GSAP: variants seen among roughly 807,000 people sequenced by gnomAD.
GSAP encodes gamma-secretase activating protein.
In GSAP, 118 loss-of-function variants were observed where a neutral mutation model predicts 131.7. That is an observed-to-expected ratio of 0.90 (90% CI 0.77 to 1.04). The LOEUF (loss-of-function observed/expected upper bound fraction) is 1.04. Among genes scored for constraint, GSAP ranks in the 50% least tolerant of loss-of-function variants. The pLI is 0.00. For synonymous variants in GSAP, 381 were observed against 363.4 expected, an observed-to-expected ratio of 1.05 and a Z score of -0.55; for missense variants, 1,019 against 1,013.2, an observed-to-expected ratio of 1.01 and a Z score of -0.08.
intron 19 of GSAP, among the ~76,000 whole-genome samples, chr7:77,346,098 C>T (rs1419972175): frequency 3.3e-5 from 5 of 150,220 alleles, no homozygotes; most frequent in African/African-American, 9.8e-5. Context: ...GGTGAAACCC[C>T]GCCTCTACTA....
At chr7:77,378,992 G>A (rs893121963) in intron 8 of GSAP, among the ~76,000 whole-genome samples, 5 of 152,108 alleles carry the variant, frequency 3.3e-5, no homozygotes, top group Admixed American at 6.5e-5. Flanking sequence ...CTTGAGGGGG[G>A]CCATGTGGCA....
intron 19 of GSAP, among the ~76,000 whole-genome samples, chr7:77,336,845 T>C (rs1790057966): frequency 6.6e-6 from 1 of 152,172 alleles, no homozygotes; most frequent in Non-Finnish European, 1.5e-5. Flanking sequence ...TATTTCTTTG[T>C]TGCATCATAA....
chr7:77,329,387 G>C lies in GSAP; in HGVS notation c.1679C>G (p.Thr560Arg). 1 of 1,577,260 alleles carries C rather than the reference G, an allele frequency of 6.3e-7. No homozygotes were observed. The highest frequency in any genetic ancestry group is 8.6e-7 in the Non-Finnish European group (1 of 1,157,716). ...EWHNLISEEK[T>R]GKRRSAAYVR... ...GTATGCCGCAGACCTTCTTTTTCCT[G>C]TTTTCTAGGAGTGAGAACACGTCAG... The change falls in exon 21 of 31, where the codon ACA becomes AGA. Residue 560 changes from threonine (T) to arginine (R), a missense_variant. Coordinates refer to ENST00000257626, the MANE Select transcript of GSAP (RefSeq NM_017439.4).
At chr7:77,336,180 A>AT (rs969226357) in intron 19 of GSAP, among the ~76,000 whole-genome samples, 12 of 152,240 alleles carry the variant, frequency 7.9e-5, no homozygotes, top group African/African-American at 2.9e-4. Flanking sequence ...AATGGATTGG[A>AT]TTTTTTTCTA....
Position 77,320,715 on chromosome 7 carries a change from C to T in GSAP, c.2089+10G>A. The T allele has an allele frequency of 1.3e-6, 2 of 1,503,516 alleles. No individual in the cohort carries two copies. The highest frequency in any genetic ancestry group is 1.1e-5 in the South Asian group (1 of 88,596). 93.1% of individuals were successfully genotyped at this position (1,503,516 alleles called of 1,614,324 possible). Reference sequence around the variant, plus strand: ...TTATTATACCAAAGGACAAAAGAGCCAACACTTACCAGGAGGCAGAGGTAA... The same window carrying T: ...TTATTATACCAAAGGACAAAAGAGCTAACACTTACCAGGAGGCAGAGGTAA... On this transcript the variant is annotated intron_variant, in intron 26 of 30. Coordinates refer to ENST00000257626, the MANE Select transcript of GSAP (RefSeq NM_017439.4).
intron 24 of GSAP, among the ~76,000 whole-genome samples, chr7:77,322,070 A>G (rs1407641316): frequency 6.6e-6 from 1 of 152,176 alleles, no homozygotes; most frequent in Admixed American, 6.5e-5. Context: ...GTCCCTATGG[A>G]GTTGTTATCA....
chr7:77,387,335 A>C (rs1211436740), intron 6 of GSAP, 25 bp downstream of exon 6: 1 of 1,145,084 alleles, frequency 8.7e-7, no homozygotes, highest in Non-Finnish European at 1.3e-6. Flanking sequence ...TAATGAGATA[A>C]GTGATAAATG....
At chr7:77,395,558 G>A (rs1001751633) in intron 5 of GSAP, among the ~76,000 whole-genome samples, 1 of 152,142 alleles carries the variant, frequency 6.6e-6, no homozygotes, top group Non-Finnish European at 1.5e-5. Context: ...CACCAAAGAC[G>A]GAAGGGGTTG....
intron 19 of GSAP, among the ~76,000 whole-genome samples, chr7:77,340,984 T>A (rs577597856): frequency 2.0e-4 from 30 of 152,098 alleles, no homozygotes; most frequent in Non-Finnish European, 4.0e-4. Flanking sequence ...ACTTAAAACC[T>A]CTTCACCTCT....
chr7:77,383,415 G>A (rs1158511755), intron 6 of GSAP, among the ~76,000 whole-genome samples: 3 of 151,942 alleles, frequency 2.0e-5, no homozygotes, highest in African/African-American at 4.8e-5. Context: ...TATTCCCCAC[G>A]ACAGCTTCCA....
intron 18 of GSAP, chr7:77,351,377 A>T: frequency 1.0e-6 from 1 of 969,812 alleles, no homozygotes. Context: ...GTCTCCTACA[A>T]AAATGTGAAA....
intron 5 of GSAP, among the ~76,000 whole-genome samples, chr7:77,392,225 A>G (rs78784395): frequency 4.7e-5 from 5 of 106,958 alleles, no homozygotes; most frequent in African/African-American, 8.7e-5. Flanking sequence ...CCATCTCAGG[A>G]AAAAAAAAAA....
chr7:77,390,566 G>C (rs903148321), intron 5 of GSAP, among the ~76,000 whole-genome samples: 3 of 151,772 alleles, frequency 2.0e-5, no homozygotes, highest in South Asian at 2.1e-4. Flanking sequence ...TCTTCTTTTT[G>C]TCAGGTTTGT....
chr7:77,378,195 A>G (rs1279734073), intron 8 of GSAP, among the ~76,000 whole-genome samples: 2 of 152,172 alleles, frequency 1.3e-5, no homozygotes. Context: ...GGAAGGCGGA[A>G]AATGGGCTGG....
At chr7:77,396,073 A>G (rs1800328947) in intron 5 of GSAP, among the ~76,000 whole-genome samples, 2 of 152,208 alleles carry the variant, frequency 1.3e-5, no homozygotes, top group Non-Finnish European at 2.9e-5. Flanking sequence ...CCCTTGATAA[A>G]TTGAAAAGCC....
intron 20 of GSAP, 26 bp downstream of exon 20, chr7:77,330,213 C>A: frequency 6.3e-7 from 1 of 1,598,456 alleles, no homozygotes; most frequent in Non-Finnish European, 8.5e-7. Context: ...TCGCTGCTGG[C>A]TTTGTTCTCA....
intron 6 of GSAP, among the ~76,000 whole-genome samples, chr7:77,382,950 C>G (rs561327699): frequency 1.6e-3 from 240 of 152,266 alleles, no homozygotes; most frequent in Admixed American, 2.6e-3. Flanking sequence ...CTTTGGGAAG[C>G]CAAGACAGGC....
chr7:77,337,296 TGGGGTGGGG>T, intron 19 of GSAP, among the ~76,000 whole-genome samples: 1 of 37,814 alleles, frequency 2.6e-5, no homozygotes, highest in African/African-American at 9.7e-5. Flanking sequence ...GGGGCGGGGG[TGGGGTGGGG>T]GGGGGGTTAC....
intron 14 of GSAP, among the ~76,000 whole-genome samples, chr7:77,357,308 G>T (rs1292312308): frequency 6.6e-6 from 1 of 152,140 alleles, no homozygotes; most frequent in Non-Finnish European, 1.5e-5. Flanking sequence ...CTGAAGATAT[G>T]CACGTGCTAA....
Sources: gnomAD v4.1 joint callset for allele counts (sites outside exome capture counted in the v4.1 genomes callset) on GRCh38, gnomAD v4.1.1 for gene constraint, MANE v1.5 for transcripts, NCBI Gene and HGNC (gene_info 2026-07-23, HGNC 2026-07-21) for gene names.